Variants in CIMIP7 observed in about 807,000 individuals in gnomAD.
The protein encoded by CIMIP7 is ciliary microtubule inner protein 7, also known as uncharacterized protein C3orf84.
the CIMIP7 span, among the ~76,000 whole-genome samples, chr3:49,182,920 C>T: frequency 6.6e-5 from 10 of 152,176 alleles, no homozygotes; most frequent in East Asian, 3.9e-4. Flanking sequence ...GAGTGCAGCC[C>T]GCTGAGCCCA....
chr3:49,177,768 C>A, the CIMIP7 span: 4 of 1,610,364 alleles, frequency 2.5e-6, no homozygotes, highest in Non-Finnish European at 3.4e-6. Flanking sequence ...GCGCCTGGGG[C>A]CCTACCTTGT....
the CIMIP7 span, chr3:49,177,971 C>A: frequency 6.2e-7 from 1 of 1,613,430 alleles, no homozygotes; most frequent in Non-Finnish European, 8.5e-7. Context: ...TCACAGGGTG[C>A]CCAGCGCAGG....
the CIMIP7 span, among the ~76,000 whole-genome samples, chr3:49,180,266 A>C: frequency 6.6e-6 from 1 of 152,202 alleles, no homozygotes; most frequent in African/African-American, 2.4e-5. Context: ...ACAGAAAAAA[A>C]AAAATTAATG....
chr3:49,183,311 C>T, the CIMIP7 span, among the ~76,000 whole-genome samples: 1 of 152,192 alleles, frequency 6.6e-6, no homozygotes, highest in African/African-American at 2.4e-5. Flanking sequence ...GCAGAGAAAC[C>T]AGATCATTCA....
chr3:49,178,291 A>G, the CIMIP7 span, among the ~76,000 whole-genome samples: 1 of 152,196 alleles, frequency 6.6e-6, no homozygotes, highest in Admixed American at 6.5e-5. Flanking sequence ...GGAAACCAAC[A>G]TAGAGATGTC....
chr3:49,178,584 A>G, the CIMIP7 span: 2 of 1,543,026 alleles, frequency 1.3e-6, no homozygotes, highest in Admixed American at 1.7e-5. Context: ...AATGATGCTT[A>G]TTTACCCACC....
the CIMIP7 span, chr3:49,177,922 TAAG>T: frequency 1.9e-6 from 3 of 1,613,840 alleles, no homozygotes; most frequent in Non-Finnish European, 2.5e-6. Context: ...ATCAGCCTGG[TAAG>T]AAGATTCCAG....
chr3:49,190,207 C>G, the CIMIP7 span: 1 of 1,117,570 alleles, frequency 8.9e-7, no homozygotes, highest in Non-Finnish European at 1.3e-6. Flanking sequence ...CCTCAGGGCC[C>G]CAACTGAGGG....
At chr3:49,181,505 C>CA in the CIMIP7 span, among the ~76,000 whole-genome samples, 22 of 151,958 alleles carry the variant, frequency 1.4e-4, no homozygotes, top group Admixed American at 1.4e-3. Context: ...CAAAAAATAA[C>CA]AAATTAGCCA....
the CIMIP7 span, among the ~76,000 whole-genome samples, chr3:49,186,301 G>A: frequency 1.3e-5 from 2 of 150,580 alleles, no homozygotes; most frequent in African/African-American, 4.9e-5. Context: ...GCAGTGTTGC[G>A]ATCTCAGCTC....
chr3:49,180,833 G>A, the CIMIP7 span, among the ~76,000 whole-genome samples: 6 of 150,382 alleles, frequency 4.0e-5, no homozygotes, highest in African/African-American at 1.2e-4. Flanking sequence ...GGGAGGTTGA[G>A]GCAGGAGAAT....
the CIMIP7 span, among the ~76,000 whole-genome samples, chr3:49,178,244 C>T: frequency 6.6e-6 from 1 of 152,170 alleles, no homozygotes; most frequent in Non-Finnish European, 1.5e-5. Context: ...GTTAGTGGCC[C>T]ACAGGATACT....
chr3:49,190,201 A>G, the CIMIP7 span: 2 of 1,233,340 alleles, frequency 1.6e-6, no homozygotes, highest in Non-Finnish European at 2.3e-6. Context: ...CCTAGACCTC[A>G]GGGCCCCAAC....
chr3:49,180,929 C>CAAA, the CIMIP7 span, among the ~76,000 whole-genome samples: 7 of 65,912 alleles, frequency 1.1e-4, no homozygotes, highest in Admixed American at 2.0e-4. Context: ...GACTCCGTCT[C>CAAA]AAAAAAAAAA....
chr3:49,189,911 G>T, the CIMIP7 span: 3 of 818,976 alleles, frequency 3.7e-6, no homozygotes, highest in Non-Finnish European at 6.6e-6. Context: ...GGTAAAGCCT[G>T]TCCCAGGGAT....
chr3:49,184,626 A>ATTTTTTT, the CIMIP7 span, among the ~76,000 whole-genome samples: 1 of 133,644 alleles, frequency 7.5e-6, no homozygotes, highest in African/African-American at 2.8e-5. Flanking sequence ...GGCCTATGTA[A>ATTTTTTT]TTTTTTTTTT....
At chr3:49,178,551 T>G in the CIMIP7 span, 1 of 1,611,558 alleles carries the variant, frequency 6.2e-7, no homozygotes, top group South Asian at 1.1e-5. Flanking sequence ...TGAAAGACAG[T>G]GAGAAAGAAG....
At chr3:49,184,986 G>A in the CIMIP7 span, among the ~76,000 whole-genome samples, 2 of 151,748 alleles carry the variant, frequency 1.3e-5, no homozygotes, top group African/African-American at 4.8e-5. Context: ...TTTAGAAATG[G>A]GGGCCAGGCG....
chr3:49,178,127 C>G, the CIMIP7 span: 1 of 1,367,274 alleles, frequency 7.3e-7, no homozygotes. Flanking sequence ...AACCCCAAGT[C>G]TGCTTGGTGA....
Sources: allele counts gnomAD v4.1 joint callset (sites outside exome capture counted in the v4.1 genomes callset), GRCh38; gene constraint gnomAD v4.1.1; transcripts MANE v1.5; gene names NCBI Gene and HGNC (gene_info 2026-07-23, HGNC 2026-07-21).